Variants in DRC11 observed in about 807,000 individuals in gnomAD.
DRC11 encodes dynein regulatory complex subunit 11.
the DRC11 span, chr2:236,363,791 C>G: frequency 6.2e-7 from 1 of 1,612,006 alleles, no homozygotes; most frequent in South Asian, 1.1e-5. The surrounding 1 kb of genome is among the most constrained non-coding windows in gnomAD (Gnocchi z 5.6). Context: ...TTGAAGACTG[C>G]ATGCAGCATC....
At chr2:236,478,066 CTTTA>C in the DRC11 span, among the ~76,000 whole-genome samples, 1 of 151,192 alleles carries the variant, frequency 6.6e-6, no homozygotes, top group South Asian at 2.1e-4. The surrounding 1 kb of genome is among the most constrained non-coding windows in gnomAD (Gnocchi z 5.9). Flanking sequence ...CTGCTCTGAT[CTTTA>C]TTTCTTTCCT....
chr2:236,325,951 T>C, the DRC11 span, among the ~76,000 whole-genome samples: 35 of 152,338 alleles, frequency 2.3e-4, no homozygotes, highest in African/African-American at 7.5e-4. This position sits in a 1 kb window ranked among gnomAD's most constrained non-coding sequence, Gnocchi z 4.4. Flanking sequence ...TATGCCAGTT[T>C]AGCTGGATAC....
the DRC11 span, chr2:236,486,711 C>G: frequency 1.4e-6 from 1 of 715,152 alleles, no homozygotes; most frequent in East Asian, 2.7e-5. The surrounding 1 kb of genome is among the most constrained non-coding windows in gnomAD (Gnocchi z 5.7). Context: ...TGACTCCATT[C>G]CATTAAATCA....
the DRC11 span, among the ~76,000 whole-genome samples, chr2:236,348,492 C>T: frequency 6.6e-6 from 1 of 152,196 alleles, no homozygotes; most frequent in African/African-American, 2.4e-5. The surrounding 1 kb of genome is among the most constrained non-coding windows in gnomAD (Gnocchi z 7.4). Flanking sequence ...GACAAAAACA[C>T]ATGCTTGGAA....
the DRC11 span, among the ~76,000 whole-genome samples, chr2:236,380,104 T>G: frequency 6.6e-6 from 1 of 152,224 alleles, no homozygotes; most frequent in Non-Finnish European, 1.5e-5. The surrounding 1 kb of genome is among the most constrained non-coding windows in gnomAD (Gnocchi z 4.9). Flanking sequence ...CTTGAATTCA[T>G]TCGTCCTGCA....
chr2:236,392,541 T>G, the DRC11 span, among the ~76,000 whole-genome samples: 1 of 152,138 alleles, frequency 6.6e-6, no homozygotes, highest in Non-Finnish European at 1.5e-5. The surrounding 1 kb of genome is among the most constrained non-coding windows in gnomAD (Gnocchi z 5.1). Context: ...TATATGTGCT[T>G]GTAAATGCAC....
the DRC11 span, among the ~76,000 whole-genome samples, chr2:236,318,143 G>A: frequency 6.6e-5 from 10 of 151,276 alleles, no homozygotes; most frequent in South Asian, 2.1e-3. The surrounding 1 kb of genome is among the most constrained non-coding windows in gnomAD (Gnocchi z 7.0). Context: ...CCCTCCTTGG[G>A]CCCAAGGTGC....
chr2:236,494,655 T>C, the DRC11 span, among the ~76,000 whole-genome samples: 2 of 152,192 alleles, frequency 1.3e-5, no homozygotes, highest in African/African-American at 4.8e-5. The surrounding 1 kb of genome is among the most constrained non-coding windows in gnomAD (Gnocchi z 4.2). Context: ...ACCTTATTTT[T>C]TTTTCCAATT....
the DRC11 span, among the ~76,000 whole-genome samples, chr2:236,480,197 T>C: frequency 6.6e-6 from 1 of 152,158 alleles, no homozygotes; most frequent in Non-Finnish European, 1.5e-5. Context: ...TTTGAGAGTT[T>C]ATTATATACC....
chr2:236,391,586 C>G, the DRC11 span: 1 of 204,422 alleles, frequency 4.9e-6, no homozygotes, highest in African/African-American at 2.3e-5. This position sits in a 1 kb window ranked among gnomAD's most constrained non-coding sequence, Gnocchi z 4.5. Flanking sequence ...ATTCCTTTCC[C>G]TATGATTCCC....
At chr2:236,391,938 C>T in the DRC11 span, 14 of 1,569,662 alleles carry the variant, frequency 8.9e-6, no homozygotes, top group Non-Finnish European at 1.1e-5. This position sits in a 1 kb window ranked among gnomAD's most constrained non-coding sequence, Gnocchi z 4.5. Flanking sequence ...ACTGAATCCG[C>T]TCCACCGCAC....
At chr2:236,416,491 C>T in the DRC11 span, among the ~76,000 whole-genome samples, 1 of 151,440 alleles carries the variant, frequency 6.6e-6, no homozygotes, top group Non-Finnish European at 1.5e-5. Flanking sequence ...GGTTGTGCCC[C>T]AAATGAGCAG....
At chr2:236,418,701 G>C in the DRC11 span, among the ~76,000 whole-genome samples, 1 of 152,172 alleles carries the variant, frequency 6.6e-6, no homozygotes, top group Non-Finnish European at 1.5e-5. Context: ...AAATACTTCT[G>C]TTAAAATATA....
At chr2:236,341,326 G>A in the DRC11 span, among the ~76,000 whole-genome samples, 161 of 152,316 alleles carry the variant, frequency 1.1e-3, 1 homozygote, top group African/African-American at 3.4e-3. Flanking sequence ...CTGACTGAGC[G>A]CACTCGAGGC....
At chr2:236,380,687 A>AT in the DRC11 span, 2 of 1,357,762 alleles carry the variant, frequency 1.5e-6, no homozygotes, top group East Asian at 2.5e-5. This position sits in a 1 kb window ranked among gnomAD's most constrained non-coding sequence, Gnocchi z 4.9. Flanking sequence ...AAGCAAGCAA[A>AT]TAAGTCCTAG....
At chr2:236,338,164 G>A in the DRC11 span, 19 of 1,588,298 alleles carry the variant, frequency 1.2e-5, no homozygotes, top group Non-Finnish European at 1.2e-5. Context: ...GGACAGCCCA[G>A]CCTCAGCTAT....
the DRC11 span, chr2:236,486,745 T>C: frequency 1.1e-6 from 1 of 923,384 alleles, no homozygotes; most frequent in Non-Finnish European, 1.7e-6. This position sits in a 1 kb window ranked among gnomAD's most constrained non-coding sequence, Gnocchi z 5.7. Flanking sequence ...CTTTCTTCCC[T>C]CAAAAACTCT....
chr2:236,492,490 C>T, the DRC11 span, among the ~76,000 whole-genome samples: 3 of 152,296 alleles, frequency 2.0e-5, no homozygotes, highest in Non-Finnish European at 2.9e-5. Flanking sequence ...CTGGCAATAC[C>T]CAATGAGGGC....
chr2:236,348,769 G>A, the DRC11 span, among the ~76,000 whole-genome samples: 23,527 of 152,106 alleles, frequency 0.15, 1,932 homozygotes, highest in Admixed American at 0.2. This position sits in a 1 kb window ranked among gnomAD's most constrained non-coding sequence, Gnocchi z 7.4. Context: ...AGCCCCGCTC[G>A]GAAGCACAGA....
Sources: gnomAD v4.1 joint callset for allele counts (sites outside exome capture counted in the v4.1 genomes callset) on GRCh38, gnomAD v4.1.1 for gene constraint, Gnocchi (gnomAD v3.1) non-coding constraint, MANE v1.5 for transcripts, NCBI Gene and HGNC (gene_info 2026-07-23, HGNC 2026-07-21) for gene names.